TCOF1: variants seen among roughly 807,000 people sequenced by gnomAD.
TCOF1 encodes treacle ribosome biogenesis factor 1, also known as treacle protein.
In TCOF1, 33 loss-of-function variants were observed where a neutral mutation model predicts 149.0. The ratio of observed to expected loss-of-function variants is 0.22; its 90% CI spans 0.17 to 0.30. TCOF1 has a LOEUF of 0.30. TCOF1 is among the 10% of genes least tolerant of loss of function. TCOF1 has a pLI of 1.00. For synonymous variants in TCOF1, 789 were observed against 738.8 expected, an observed-to-expected ratio of 1.07 and a Z score of -1.10; for missense variants, 1,728 against 1,840.7, an observed-to-expected ratio of 0.94 and a Z score of 1.12.
chr5:150,368,476 A>T (rs1384736373), intron 4 of TCOF1: 1 of 563,884 alleles, frequency 1.8e-6, no homozygotes, highest in East Asian at 3.0e-5. Context: ...ACAAACTGCT[A>T]CTTACCACTT....
Position 150,393,801 on chromosome 5 carries a change from C to T in TCOF1, c.3784+249C>T, listed in dbSNP as rs1021902637. 8 of 525,508 alleles carry T rather than the reference C, an allele frequency of 1.5e-5. No individual in the cohort carries two copies. The East Asian group carries it at 2.5e-4, about 16-fold the overall frequency. 32.6% of individuals were successfully genotyped at this position (525,508 alleles called of 1,614,324 possible). On this transcript the variant is annotated intron_variant, in intron 23 of 26. Transcript: ENST00000643257. ...GGCCGAGGTGGGCAGATTGCTCAAG[C>T]CCAGGAGTTCAAGGCCAGCCTGGGC...
chr5:150,387,872 T>C (rs1204214823), intron 17 of TCOF1, 30 bp from the exon 18 acceptor site: 2 of 1,613,250 alleles, frequency 1.2e-6, no homozygotes, highest in East Asian at 4.5e-5. Flanking sequence ...CTTTAATCAC[T>C]GGGGGGGTGT....
chr5:150,377,586 A>G (rs1256558973), intron 14 of TCOF1, among the ~76,000 whole-genome samples: 1 of 151,834 alleles, frequency 6.6e-6, no homozygotes, highest in African/African-American at 2.4e-5. Context: ...CAGAGCACAC[A>G]TTTCTACTGA....
intron 5 of TCOF1, 72 bp from the exon 6 acceptor site, chr5:150,369,457 G>T: frequency 6.4e-7 from 1 of 1,566,080 alleles, no homozygotes. Flanking sequence ...GCTGGTTTGT[G>T]GGGAGGTGCT....
chr5:150,366,723 C>T lies in TCOF1; in HGVS notation c.305-1121C>T, dbSNP rs1341399602. Reference sequence around the variant, plus strand: ...ACTGCGGACTGCAGTGGCGCAATCTCGGCTCACTGCAAGCTCCGCTTCCCG... The same window carrying T: ...ACTGCGGACTGCAGTGGCGCAATCTTGGCTCACTGCAAGCTCCGCTTCCCG... On this transcript the variant is annotated intron_variant, in intron 3 of 26. Coordinates refer to ENST00000643257, the MANE Select transcript of TCOF1 (RefSeq NM_001371623.1). Among the ~76,000 whole-genome samples the T allele has an allele frequency of 3.1e-4, 7 of 22,372 alleles. 3 individuals carry two copies. The highest frequency in any genetic ancestry group is 1.9e-3 in the Admixed American group (7 of 3,662). The allele number at this position is 22,372 out of a possible 152,430, so 14.7% of individuals were successfully genotyped here.
intron 3 of TCOF1, 135 bp downstream of exon 3, chr5:150,364,387 C>T (rs1760838591): frequency 7.5e-7 from 1 of 1,328,994 alleles, no homozygotes; most frequent in Admixed American, 2.3e-5. Context: ...CACCACATAT[C>T]TTTGGCAGTA....
chr5:150,362,457 C>T (rs1314573895), intron 2 of TCOF1, among the ~76,000 whole-genome samples: 1 of 152,136 alleles, frequency 6.6e-6, no homozygotes, highest in Non-Finnish European at 1.5e-5. Flanking sequence ...GACCACTGCA[C>T]ATCTTTGAGG....
In TCOF1 at chr5:150,364,162, C is replaced by A. The variant is rs755843802; in HGVS notation, c.214C>A (p.Gln72Lys). The change falls in exon 3 of 27, where the codon CAA becomes AAA. Residue 72 changes from glutamine (Q) to lysine (K), a missense_variant. Coordinates refer to ENST00000643257, the MANE Select transcript of TCOF1 (RefSeq NM_001371623.1). ...KRKAEEDAAL[Q>K]AKKTRVSDPI... ...GAAGGCAGAGGAAGATGCGGCACTG[C>A]AAGCTAAGAAAACCCGTGTGTCAGA... 1 of 1,614,138 alleles carries A rather than the reference C, an allele frequency of 6.2e-7. No homozygotes were observed. Among genetic ancestry groups the A allele is most frequent in the South Asian group, 1.1e-5 (1 of 91,084 alleles).
In TCOF1 at chr5:150,392,154, G is replaced by T. The variant is rs912686471; in HGVS notation, c.3495G>T (p.Gly1165=). The part of the protein sequence containing the change: ...GSEEDGEGPQ[G]AKSAHTLVGP... ...AGGAAGATGGTGAAGGGCCCCAGGG[G>T]GCCAAGTCAGCCCACACGCTGGGTG... is the stretch of plus-strand genomic sequence containing the variant. The change falls in exon 21 of 27, where the codon GGG becomes GGT. Residue 1165 remains glycine (G), a synonymous_variant. Coordinates refer to ENST00000643257, the MANE Select transcript of TCOF1 (RefSeq NM_001371623.1). The T allele has an allele frequency of 1.9e-6, 3 of 1,614,000 alleles. No individual in the cohort carries two copies. Among genetic ancestry groups the T allele is most frequent in the Middle Eastern group, 1.6e-4 (1 of 6,072 alleles).
At chr5:150,392,283 C>A in intron 21 of TCOF1, 107 bp downstream of exon 21, 1 of 1,173,330 alleles carries the variant, frequency 8.5e-7, no homozygotes, top group Non-Finnish European at 1.2e-6. Context: ...TCATTCTGCA[C>A]CTGTGGCTGA....
At chr5:150,372,270 C>T (rs759895906) in intron 7 of TCOF1, 34 bp downstream of exon 7, 6 of 1,565,144 alleles carry the variant, frequency 3.8e-6, no homozygotes, top group Non-Finnish European at 4.3e-6. Context: ...CCTTGGAGGA[C>T]CTGCGGGTCC....
chr5:150,375,935 A>G (rs1268830280), intron 12 of TCOF1, 26 bp downstream of exon 12: 2 of 1,613,940 alleles, frequency 1.2e-6, no homozygotes, highest in East Asian at 2.2e-5. Flanking sequence ...GGAGGCTGCT[A>G]CATGGCCTGA....
intron 25 of TCOF1, 46 bp from the exon 26 acceptor site, chr5:150,398,976 G>A (rs374527214): frequency 6.2e-5 from 100 of 1,614,028 alleles, no homozygotes; most frequent in Non-Finnish European, 7.7e-5. Flanking sequence ...CAGTGGGTGG[G>A]GAAAAGCTGC....
At chr5:150,398,905 G>A (rs1401850604) in intron 25 of TCOF1, 117 bp from the exon 26 acceptor site, 2 of 1,437,478 alleles carry the variant, frequency 1.4e-6, no homozygotes, top group Admixed American at 1.8e-5. Flanking sequence ...GCCCTTGGAG[G>A]TCGCTGCAGA....
At chr5:150,383,900 C>A in intron 17 of TCOF1, 1 of 1,527,398 alleles carries the variant, frequency 6.5e-7, no homozygotes, top group Non-Finnish European at 8.8e-7. Flanking sequence ...TCCTGTACTC[C>A]AGAGGCCCAA....
In TCOF1 at chr5:150,386,440, G is replaced by A. The variant is rs764134122; in HGVS notation, c.2860-1462G>A. Among the ~76,000 whole-genome samples, 8 of 152,152 alleles carry A rather than the reference G, an allele frequency of 5.3e-5. 1 individual carries two copies. Among genetic ancestry groups the A allele is most frequent in the African/African-American group, 9.7e-5 (4 of 41,406 alleles). ...CTGGAAGTGGCAGATCGGAGCAGCC[G>A]CGGGGGAGGCTATTTGGCAGGGGTA... is the stretch of plus-strand genomic sequence containing the variant. On this transcript the variant is annotated intron_variant, in intron 17 of 26. Coordinates refer to ENST00000643257, the MANE Select transcript of TCOF1 (RefSeq NM_001371623.1).
chr5:150,386,829 G>A (rs985766457), intron 17 of TCOF1, among the ~76,000 whole-genome samples: 1 of 152,258 alleles, frequency 6.6e-6, no homozygotes, highest in Admixed American at 6.5e-5. Flanking sequence ...AGATGCCCTC[G>A]TGTGCGGTGA....
chr5:150,371,967 AATT>A (rs756576677), intron 6 of TCOF1, 36 bp from the exon 7 acceptor site: 55 of 1,559,102 alleles, frequency 3.5e-5, no homozygotes, highest in Middle Eastern at 1.7e-4. Flanking sequence ...GGGAAACAGT[AATT>A]ATTATTCATT....
At chr5:150,358,874 C>T (rs1581008386) in intron 1 of TCOF1, among the ~76,000 whole-genome samples, 2 of 150,466 alleles carry the variant, frequency 1.3e-5, no homozygotes, top group South Asian at 4.2e-4. Context: ...TTGCCCTGGT[C>T]AGGAATAGCT....
Sources: gnomAD v4.1 joint callset for allele counts (sites outside exome capture counted in the v4.1 genomes callset) on GRCh38, gnomAD v4.1.1 for gene constraint, MANE v1.5 for transcripts, NCBI Gene and HGNC (gene_info 2026-07-23, HGNC 2026-07-21) for gene names.